MMAB: variants seen among roughly 807,000 people sequenced by gnomAD.
MMAB encodes the protein metabolism of cobalamin associated B, also known as corrinoid adenosyltransferase MMAB.
MMAB carries 17 observed loss-of-function variants against 30.6 expected under a neutral mutation model. The observed-to-expected ratio is 0.56, with a 90% CI of 0.38 to 0.83. The LOEUF is 0.83. MMAB is among the 40% of genes least tolerant of loss of function. The pLI, the probability that MMAB is intolerant of heterozygous loss-of-function variation, is 0.00. For missense variants in MMAB, 311 were observed against 331.6 expected, an observed-to-expected ratio of 0.94 and a Z score of 0.48; for synonymous variants, 134 against 138.6, an observed-to-expected ratio of 0.97 and a Z score of 0.23.
Position 109,554,766 on chromosome 12 carries a change from A to C in MMAB, c.*2262T>G, listed in dbSNP as rs1450393512. 4.4e-6 allele frequency: 2 copies of C among 454,144 alleles called. No individual in the cohort carries two copies. The highest frequency in any genetic ancestry group is 8.8e-6 in the Non-Finnish European group (2 of 226,800). The allele number at this position is 454,144 out of a possible 1,614,324, so 28.1% of individuals were successfully genotyped here. A position where few individuals can be genotyped will look rare whatever the true frequency, so the allele number is the denominator to read the frequency against. On this transcript the variant is annotated 3_prime_UTR_variant, in exon 9 of 9. Coordinates refer to ENST00000545712, the MANE Select transcript of MMAB (RefSeq NM_052845.4). Reference sequence around the variant, plus strand: ...TTCTTTTGCCTCGGGCTCTTGATAGAGCTTTTGAAAGGCACTGCAGAAGAG... The same window carrying C: ...TTCTTTTGCCTCGGGCTCTTGATAGCGCTTTTGAAAGGCACTGCAGAAGAG...
chr12:109,573,201 C>T, intron 1 of MMAB, 146 bp downstream of exon 1: 1 of 1,082,732 alleles, frequency 9.2e-7, no homozygotes, highest in Non-Finnish European at 1.4e-6. Context: ...GCCCACGTGG[C>T]CCACGTTGCC....
At chr12:109,567,468 G>A (rs1239487413) in intron 3 of MMAB, among the ~76,000 whole-genome samples, 3 of 152,146 alleles carry the variant, frequency 2.0e-5, no homozygotes, top group Non-Finnish European at 4.4e-5. Context: ...TCCAGCACCT[G>A]AGACTGTTGC....
intron 1 of MMAB, 189 bp downstream of exon 1, chr12:109,573,158 T>A: frequency 1.4e-6 from 1 of 704,594 alleles, no homozygotes; most frequent in Non-Finnish European, 2.4e-6. Context: ...GGGACTTCAT[T>A]GGGACTTAGG....
Position 109,559,279 on chromosome 12 carries a change from G to A in MMAB, c.585-124C>T, listed in dbSNP as rs982246349. On this transcript the variant is annotated intron_variant, in intron 7 of 8. Transcript: ENST00000545712. ...CTCAACCTGAACCTGCACAGGCTCG[G>A]CCGGCAGTGGAGATGACAAATCCAT... The A allele has an allele frequency of 5.3e-6, 4 of 759,838 alleles. No individual in the cohort carries two copies. The Admixed American group carries it at 5.9e-5, about 11-fold the overall frequency. 47.1% of individuals were successfully genotyped at this position (759,838 alleles called of 1,614,324 possible).
intron 3 of MMAB, chr12:109,566,933 C>T: frequency 4.4e-6 from 2 of 455,466 alleles, no homozygotes; most frequent in South Asian, 1.5e-5. Context: ...CTCCCACACA[C>T]ACCAAGGGGT....
At chr12:109,559,252 C>G in intron 7 of MMAB, 97 bp from the exon 8 acceptor site, 1 of 913,610 alleles carries the variant, frequency 1.1e-6, no homozygotes, top group Non-Finnish European at 1.8e-6. Flanking sequence ...ATCCTGCCAC[C>G]GCTCAACCTG....
rs763199537 is a variant in MMAB, at chr12:109,556,867, G to A, written c.*161C>T. 14 of 689,838 alleles carry A rather than the reference G, an allele frequency of 2.0e-5. No individual in the cohort carries two copies. In the African/African-American group the frequency reaches 2.5e-4, roughly 12 times the overall value. The allele number at this position is 689,838 out of a possible 1,614,324, so 42.7% of individuals were successfully genotyped here. Reference sequence around the variant, plus strand: ...TCCCCAAAGGGTCACAGTCCCTTGAGGAAGGTGGCAAGAGGTGTAGATCAA... The same window carrying A: ...TCCCCAAAGGGTCACAGTCCCTTGAAGAAGGTGGCAAGAGGTGTAGATCAA... On this transcript the variant is annotated 3_prime_UTR_variant, in exon 9 of 9. Coordinates refer to ENST00000545712, the MANE Select transcript of MMAB (RefSeq NM_052845.4).
Position 109,558,991 on chromosome 12 carries a change from G to A in MMAB, c.644+105C>T. 1 of 818,176 alleles carries A rather than the reference G, an allele frequency of 1.2e-6. No individual in the cohort carries two copies. Among genetic ancestry groups the A allele is most frequent in the South Asian group, 1.4e-5 (1 of 71,106 alleles). The allele number at this position is 818,176 out of a possible 1,614,324, so 50.7% of individuals were successfully genotyped here. A position where few individuals can be genotyped will look rare whatever the true frequency, so the allele number is the denominator to read the frequency against. ...ACACTAAGGGAATGAAGGAGGGGGT[G>A]CGGGAATGCTGCCCCACACTGCTTC... On this transcript the variant is annotated intron_variant, in intron 8 of 8. Coordinates refer to ENST00000545712, the MANE Select transcript of MMAB (RefSeq NM_052845.4). This position sits in a 1 kb window ranked among gnomAD's most constrained non-coding sequence, Gnocchi z 4.3.
chr12:109,563,837 G>A (rs892830424), intron 4 of MMAB, among the ~76,000 whole-genome samples: 3 of 152,238 alleles, frequency 2.0e-5, no homozygotes, highest in African/African-American at 7.2e-5. Flanking sequence ...GCTTCAGAAC[G>A]GAAGTGGGAA....
chr12:109,560,970 T>TGGGGGGG, intron 7 of MMAB, 70 bp downstream of exon 7: 8 of 808,170 alleles, frequency 9.9e-6, no homozygotes, highest in East Asian at 2.8e-5. Flanking sequence ...CTCCTCTCCC[T>TGGGGGGG]CTCCCTCCCC....
intron 8 of MMAB, among the ~76,000 whole-genome samples, chr12:109,557,767 G>A (rs1425542391): frequency 2.6e-5 from 4 of 152,208 alleles, no homozygotes; most frequent in Non-Finnish European, 5.9e-5. Flanking sequence ...AACTAGTAAT[G>A]CCTCCAAACA....
chr12:109,554,950 G>C lies in MMAB; in HGVS notation c.*2078C>G. ...GTGTTTGCTGGTGAACCGGGAGACA[G>C]ATACAGAGGCGGGGGTCTGAGAACG... On this transcript the variant is annotated 3_prime_UTR_variant, in exon 9 of 9. Coordinates refer to ENST00000545712, the MANE Select transcript of MMAB (RefSeq NM_052845.4). 1 of 454,144 alleles carries C rather than the reference G, an allele frequency of 2.2e-6. No homozygotes were observed. The allele number at this position is 454,144 out of a possible 1,614,324, so 28.1% of individuals were successfully genotyped here.
chr12:109,573,271 C>T (rs1004044405), intron 1 of MMAB, 76 bp downstream of exon 1: 42 of 1,587,732 alleles, frequency 2.6e-5, no homozygotes, highest in Non-Finnish European at 3.3e-5. Flanking sequence ...GACCTCACGG[C>T]GGTGTGACGT....
chr12:109,559,046 C>T (rs565873916), intron 8 of MMAB, 50 bp downstream of exon 8: 5 of 1,458,660 alleles, frequency 3.4e-6, no homozygotes, highest in African/African-American at 2.8e-5. Context: ...CTACTTCCCA[C>T]AGATGAGCCT....
In MMAB at chr12:109,553,891, G is replaced by T. The variant is rs777229010; in HGVS notation, c.*3137C>A. 2 of 454,126 alleles carry T rather than the reference G, an allele frequency of 4.4e-6. No individual in the cohort carries two copies. Among genetic ancestry groups the T allele is most frequent in the Non-Finnish European group, 8.8e-6 (2 of 226,784 alleles). 28.1% of individuals were successfully genotyped at this position (454,126 alleles called of 1,614,324 possible). On this transcript the variant is annotated 3_prime_UTR_variant, in exon 9 of 9. Transcript: ENST00000545712. ...AAGGGTGACATTGCCACTGACGGGG[G>T]CTTCCGAACTGGGGACGTTTGTCAT...
At position 109,561,768 on chromosome 12, in the gene MMAB, T is replaced by G; in HGVS notation, c.421+12A>C. 2 of 1,601,638 alleles carry G rather than the reference T, an allele frequency of 1.2e-6. No homozygotes were observed. The highest frequency in any genetic ancestry group is 1.7e-6 in the Non-Finnish European group (2 of 1,173,694). ...AGGGCCCTCTGAACACCCACAGGAG[T>G]TTGAGAATTACTTAAGTGAGCCTCC... On this transcript the variant is annotated intron_variant, in intron 5 of 8. Coordinates refer to ENST00000545712, the MANE Select transcript of MMAB (RefSeq NM_052845.4). This position sits in a 1 kb window ranked among gnomAD's most constrained non-coding sequence, Gnocchi z 5.3.
At position 109,554,239 on chromosome 12, in the gene MMAB, GT is replaced by G. The variant is rs1381022033; in HGVS notation, c.*2788del. 2.2e-6 allele frequency: 1 copy of G among 454,080 alleles called. No homozygotes were observed. The highest frequency in any genetic ancestry group is 1.6e-5 in the South Asian group (1 of 64,478). 28.1% of individuals were successfully genotyped at this position (454,080 alleles called of 1,614,324 possible). Reference sequence around the variant, plus strand: ...ATGGGGTTCAAATGAGATAATGTCTGTGGAACACTTGGCTCAGGGCACTGCA... The same window carrying G: ...ATGGGGTTCAAATGAGATAATGTCTGGGAACACTTGGCTCAGGGCACTGCA... On this transcript the variant is annotated 3_prime_UTR_variant, in exon 9 of 9. Transcript: ENST00000545712.
At chr12:109,567,021 C>T (rs749661977) in intron 3 of MMAB, 4 of 455,764 alleles carry the variant, frequency 8.8e-6, no homozygotes, top group Non-Finnish European at 1.8e-5. Flanking sequence ...CTAGTCAGGC[C>T]CGCCATGGAG....
At position 109,555,466 on chromosome 12, in the gene MMAB, T is replaced by C. The variant is rs1241960800; in HGVS notation, c.*1562A>G. 6 of 402,416 alleles carry C rather than the reference T, an allele frequency of 1.5e-5. No individual in the cohort carries two copies. Among genetic ancestry groups the C allele is most frequent in the South Asian group, 9.4e-5 (5 of 53,148 alleles). 24.9% of individuals were successfully genotyped at this position (402,416 alleles called of 1,614,324 possible). On this transcript the variant is annotated 3_prime_UTR_variant, in exon 9 of 9. Coordinates refer to ENST00000545712, the MANE Select transcript of MMAB (RefSeq NM_052845.4). ...CCCAGCTAATTTTTTTTTTTTTTTT[T>C]TTTTTTTAGCAGAAATGGGGTTTTA...
Sources: allele counts gnomAD v4.1 joint callset (sites outside exome capture counted in the v4.1 genomes callset), GRCh38; gene constraint gnomAD v4.1.1; non-coding constraint Gnocchi (gnomAD v3.1); transcripts MANE v1.5; gene names NCBI Gene and HGNC (gene_info 2026-07-23, HGNC 2026-07-21).